Variants in WWOX observed in about 807,000 individuals in gnomAD.
The protein encoded by WWOX is WW domain containing oxidoreductase.
In WWOX, 69 loss-of-function variants were observed where a neutral mutation model predicts 46.2. That is an observed-to-expected ratio of 1.49 (90% CI 1.23 to 1.82). WWOX has a LOEUF of 1.82. Among genes scored for constraint, WWOX ranks in the 40% most tolerant of loss-of-function variants. WWOX has a pLI of 0.00. For synonymous variants in WWOX, 359 were observed against 202.6 expected, an observed-to-expected ratio of 1.77 and a Z score of -6.56; for missense variants, 919 against 542.6, an observed-to-expected ratio of 1.69 and a Z score of -6.89.
At chr16:78,840,061 A>G (rs989364684) in intron 8 of WWOX, among the ~76,000 whole-genome samples, 3 of 152,224 alleles carry the variant, frequency 2.0e-5, no homozygotes, top group African/African-American at 4.8e-5. Flanking sequence ...TGAAAGATCA[A>G]ATGAGTTAGC....
chr16:78,231,303 C>G lies in WWOX; in HGVS notation c.516+67014C>G, dbSNP rs145981044. On this transcript the variant is annotated intron_variant, in intron 5 of 8. Coordinates refer to ENST00000566780, the MANE Select transcript of WWOX (RefSeq NM_016373.4). Reference sequence around the variant, plus strand: ...ATGAGATGTGGCTTCGGCATTTTCACAGTGTCCATAAAAAAATGTATATTA... The same window carrying G: ...ATGAGATGTGGCTTCGGCATTTTCAGAGTGTCCATAAAAAAATGTATATTA... Among the ~76,000 whole-genome samples, 259 of 152,358 alleles carry G rather than the reference C, an allele frequency of 1.7e-3. 4 individuals carry two copies. Among genetic ancestry groups the G allele is most frequent in the African/African-American group, 5.9e-3 (245 of 41,582 alleles).
At chr16:78,345,321 T>C (rs1212016681) in intron 5 of WWOX, among the ~76,000 whole-genome samples, 1 of 112,930 alleles carries the variant, frequency 8.9e-6, no homozygotes, top group East Asian at 2.0e-4. Context: ...ACCAACGTAA[T>C]AGAATTAAGT....
At chr16:78,641,433 G>T (rs1187155952) in intron 8 of WWOX, among the ~76,000 whole-genome samples, 1 of 151,998 alleles carries the variant, frequency 6.6e-6, no homozygotes, top group Non-Finnish European at 1.5e-5. Flanking sequence ...ATAAACTGGC[G>T]AGTCAGAAAG....
At chr16:78,824,827 G>T (rs2051604249) in intron 8 of WWOX, among the ~76,000 whole-genome samples, 1 of 152,102 alleles carries the variant, frequency 6.6e-6, no homozygotes, top group Non-Finnish European at 1.5e-5. Context: ...GATTTGGGTG[G>T]AGACACACCC....
chr16:79,090,642 T>G (rs2048940976), intron 8 of WWOX, among the ~76,000 whole-genome samples: 1 of 152,134 alleles, frequency 6.6e-6, no homozygotes, highest in African/African-American at 2.4e-5. Flanking sequence ...GTGGACAGAT[T>G]CCTGTCCGAA....
chr16:79,048,882 T>A (rs1011479339), intron 8 of WWOX, among the ~76,000 whole-genome samples: 2 of 151,938 alleles, frequency 1.3e-5, no homozygotes, highest in Non-Finnish European at 2.9e-5. Context: ...TCTACCACCA[T>A]CCCCAGAGTG....
At chr16:78,931,259 G>A (rs2045618065) in intron 8 of WWOX, among the ~76,000 whole-genome samples, 1 of 152,142 alleles carries the variant, frequency 6.6e-6, no homozygotes, top group Non-Finnish European at 1.5e-5. Flanking sequence ...TAATGGGAAC[G>A]CAGGTCAGCA....
chr16:78,675,446 A>C (rs1278511643), intron 8 of WWOX, among the ~76,000 whole-genome samples: 1 of 152,352 alleles, frequency 6.6e-6, no homozygotes, highest in African/African-American at 2.4e-5. Flanking sequence ...TTGGTTATTT[A>C]TTTAACAAAT....
At chr16:78,327,638 CTATTTT>C (rs796876282) in intron 5 of WWOX, among the ~76,000 whole-genome samples, 3 of 152,298 alleles carry the variant, frequency 2.0e-5, no homozygotes, top group African/African-American at 7.2e-5. Context: ...CCACAATCTT[CTATTTT>C]TATTTAAAAA....
chr16:78,525,771 C>T (rs1189665024), intron 8 of WWOX: 1 of 151,298 alleles, frequency 6.6e-6, no homozygotes, highest in Non-Finnish European at 1.5e-5. Flanking sequence ...AGGTTTGTCC[C>T]ATTTGTACTG....
chr16:78,987,228 G>C (rs987307452), intron 8 of WWOX, among the ~76,000 whole-genome samples: 3 of 152,148 alleles, frequency 2.0e-5, no homozygotes, highest in African/African-American at 7.2e-5. Context: ...TTTATAAGTA[G>C]GCTGTGCTTA....
intron 8 of WWOX, among the ~76,000 whole-genome samples, chr16:78,631,997 G>C (rs893890532): frequency 1.3e-5 from 2 of 151,000 alleles, no homozygotes; most frequent in South Asian, 2.1e-4. Context: ...ATAAAACAAA[G>C]TTGACAACCT....
At chr16:79,002,968 T>C (rs1032619162) in intron 8 of WWOX, among the ~76,000 whole-genome samples, 19 of 152,178 alleles carry the variant, frequency 1.2e-4, no homozygotes, top group African/African-American at 4.6e-4. Context: ...AAAAATGATA[T>C]CGCTCAGAAA....
At chr16:78,178,877 A>AC (rs1255485686) in intron 5 of WWOX, among the ~76,000 whole-genome samples, 1 of 151,732 alleles carries the variant, frequency 6.6e-6, no homozygotes, top group African/African-American at 2.4e-5. Context: ...AAAAAAAAAA[A>AC]AGTAATCATT....
intron 8 of WWOX, among the ~76,000 whole-genome samples, chr16:78,808,757 C>T (rs757372906): frequency 1.8e-4 from 28 of 152,088 alleles, no homozygotes; most frequent in Non-Finnish European, 4.0e-4. Context: ...AATTGAGATG[C>T]GTAGGTTCTA....
intron 8 of WWOX, among the ~76,000 whole-genome samples, chr16:78,729,776 G>A (rs1040142200): frequency 6.6e-6 from 1 of 152,194 alleles, no homozygotes; most frequent in African/African-American, 2.4e-5. Flanking sequence ...AAGTCCCTCA[G>A]CTGCTAAGGG....
intron 8 of WWOX, among the ~76,000 whole-genome samples, chr16:78,954,791 T>G (rs1401408752): frequency 6.6e-6 from 1 of 152,080 alleles, no homozygotes; most frequent in Non-Finnish European, 1.5e-5. Context: ...TATTTATTTG[T>G]TATTATTATG....
intron 4 of WWOX, among the ~76,000 whole-genome samples, chr16:78,141,689 A>C (rs2033993790): frequency 6.6e-6 from 1 of 152,176 alleles, no homozygotes; most frequent in Non-Finnish European, 1.5e-5. Flanking sequence ...ATTCATAAAA[A>C]TTCATTGAAT....
At chr16:78,916,675 A>G (rs1458525657) in intron 8 of WWOX, among the ~76,000 whole-genome samples, 1 of 152,248 alleles carries the variant, frequency 6.6e-6, no homozygotes, top group African/African-American at 2.4e-5. Flanking sequence ...ATTCCATCCC[A>G]GGCACAATAT....
Sources: allele counts gnomAD v4.1 joint callset (sites outside exome capture counted in the v4.1 genomes callset), GRCh38; gene constraint gnomAD v4.1.1; transcripts MANE v1.5; gene names NCBI Gene and HGNC (gene_info 2026-07-23, HGNC 2026-07-21).